ABCC1: variants seen among roughly 807,000 people sequenced by gnomAD.
ABCC1 encodes ATP binding cassette subfamily C member 1 (ABCC1 blood group), also known as multidrug resistance-associated protein 1.
In ABCC1, 83 loss-of-function variants were observed where a neutral mutation model predicts 172.9. That is an observed-to-expected ratio of 0.48 (90% CI 0.40 to 0.58). The LOEUF (loss-of-function observed/expected upper bound fraction) is 0.58. ABCC1 is among the 20% of genes least tolerant of loss of function. The pLI, the probability that ABCC1 is intolerant of heterozygous loss-of-function variation, is 0.00. For synonymous variants in ABCC1, 937 were observed against 825.2 expected (o/e 1.14, Z -2.32); for missense variants, 1,817 against 2,002.7 (o/e 0.91, Z 1.77).
At chr16:15,956,494 CTGT>C (rs1280152740) in intron 1 of ABCC1, among the ~76,000 whole-genome samples, 1 of 151,836 alleles carries the variant, frequency 6.6e-6, no homozygotes, top group African/African-American at 2.4e-5. Flanking sequence ...AACACTAATT[CTGT>C]TGTTGTTGGT....
chr16:16,127,742 C>T (rs948160830), intron 26 of ABCC1, among the ~76,000 whole-genome samples: 2 of 152,118 alleles, frequency 1.3e-5, no homozygotes, highest in African/African-American at 4.8e-5. Context: ...GAGGAATTCA[C>T]AGAGGTGACC....
At chr16:16,003,980 T>TTGGGTGGATGGATGCATTGGTGGG (rs929082212) in intron 1 of ABCC1, among the ~76,000 whole-genome samples, 2 of 137,850 alleles carry the variant, frequency 1.5e-5, no homozygotes, top group Non-Finnish European at 3.1e-5. Context: ...GAGTGGGTAG[T>TTGGGTGGATGGATGCATTGGTGGG]TGGGTGGATG....
chr16:15,953,482 C>A (rs1348097928), intron 1 of ABCC1, among the ~76,000 whole-genome samples: 2 of 152,198 alleles, frequency 1.3e-5, no homozygotes, highest in Non-Finnish European at 2.9e-5. Flanking sequence ...CTCTCCGTGC[C>A]TCAGTTTCCC....
intron 3 of ABCC1, among the ~76,000 whole-genome samples, chr16:16,013,952 T>C (rs1409714932): frequency 1.3e-5 from 2 of 152,106 alleles, no homozygotes; most frequent in East Asian, 1.9e-4. Context: ...CCCGGGAACG[T>C]TGAGCATCAG....
chr16:16,029,797 C>T (rs2048502159), intron 5 of ABCC1, among the ~76,000 whole-genome samples: 1 of 152,182 alleles, frequency 6.6e-6, no homozygotes, highest in Admixed American at 6.5e-5. Context: ...AGGAGGATCA[C>T]TTAAGCCCAG....
intron 16 of ABCC1, among the ~76,000 whole-genome samples, chr16:16,079,917 G>A (rs1596470838): frequency 6.6e-6 from 1 of 151,548 alleles, no homozygotes; most frequent in East Asian, 1.9e-4. Context: ...GGGTCCAAGC[G>A]ATTCTCCCTC....
chr16:15,997,155 A>G (rs2047086332), intron 1 of ABCC1, among the ~76,000 whole-genome samples: 1 of 148,664 alleles, frequency 6.7e-6, no homozygotes, highest in Non-Finnish European at 1.5e-5. Flanking sequence ...GCAGTGGTGC[A>G]ATCTCGGCTC....
At chr16:16,079,531 A>G (rs1373202017) in intron 16 of ABCC1, 53 bp downstream of exon 16, 1 of 1,568,938 alleles carries the variant, frequency 6.4e-7, no homozygotes, top group Non-Finnish European at 8.7e-7. Flanking sequence ...GGTCTGAGGA[A>G]AAGCTCAGAA....
intron 1 of ABCC1, among the ~76,000 whole-genome samples, chr16:15,970,320 C>G (rs564639808): frequency 3.3e-5 from 5 of 152,316 alleles, no homozygotes; most frequent in African/African-American, 4.8e-5. Flanking sequence ...AAGGGCACAA[C>G]CTGGAGGTTG....
At chr16:16,106,164 A>C (rs933705866) in intron 20 of ABCC1, among the ~76,000 whole-genome samples, 4 of 152,116 alleles carry the variant, frequency 2.6e-5, no homozygotes, top group Admixed American at 6.6e-5. Context: ...GGTGTGAGCC[A>C]CTGCACCTGG....
intron 19 of ABCC1, 23 bp from the exon 20 acceptor site, chr16:16,102,604 C>T (rs763645296): frequency 6.4e-7 from 1 of 1,559,332 alleles, no homozygotes; most frequent in South Asian, 1.2e-5. Context: ...CCCCACTTGC[C>T]CCCTTTGTCT....
chr16:15,981,015 G>A (rs967526203), intron 1 of ABCC1, among the ~76,000 whole-genome samples: 2 of 152,226 alleles, frequency 1.3e-5, no homozygotes, highest in African/African-American at 2.4e-5. Flanking sequence ...CTGAAATCCA[G>A]TGGGGCAGTC....
At chr16:15,955,418 C>T (rs1005064521) in intron 1 of ABCC1, among the ~76,000 whole-genome samples, 1 of 152,138 alleles carries the variant, frequency 6.6e-6, no homozygotes, top group Non-Finnish European at 1.5e-5. Flanking sequence ...CCCCTACAGT[C>T]TAGTCTTGGC....
At chr16:16,124,349 G>GTGTGT (rs1567432159) in intron 24 of ABCC1, among the ~76,000 whole-genome samples, 4 of 112,906 alleles carry the variant, frequency 3.5e-5, no homozygotes, top group East Asian at 2.6e-4. Context: ...GTGTGTGTGT[G>GTGTGT]ATTATAGGAG....
chr16:15,992,685 G>A (rs2046908834), intron 1 of ABCC1, among the ~76,000 whole-genome samples: 1 of 152,232 alleles, frequency 6.6e-6, no homozygotes, highest in Admixed American at 6.5e-5. Context: ...ACAGGCGTGA[G>A]CCACTGTGCC....
chr16:15,970,345 C>T (rs890196202), intron 1 of ABCC1, among the ~76,000 whole-genome samples: 8 of 152,184 alleles, frequency 5.3e-5, no homozygotes, highest in Non-Finnish European at 1.0e-4. Flanking sequence ...CGTCTCTCCT[C>T]GTCACATCCC....
chr16:15,984,622 C>T (rs1233571763), intron 1 of ABCC1, among the ~76,000 whole-genome samples: 1 of 151,798 alleles, frequency 6.6e-6, no homozygotes, highest in Non-Finnish European at 1.5e-5. Flanking sequence ...TTTTTGGTAT[C>T]TTTAGTAGAG....
intron 19 of ABCC1, among the ~76,000 whole-genome samples, chr16:16,093,579 C>A (rs547346350): frequency 3.3e-5 from 5 of 152,222 alleles, no homozygotes; most frequent in African/African-American, 9.6e-5. Context: ...CATAGAAGTC[C>A]TTGGCAGTGG....
At chr16:16,065,872 C>T (rs572197003) in intron 12 of ABCC1, among the ~76,000 whole-genome samples, 15 of 152,262 alleles carry the variant, frequency 9.9e-5, no homozygotes, top group African/African-American at 3.1e-4. Flanking sequence ...GCTACCATGC[C>T]GATCGAAATG....
Sources: allele counts gnomAD v4.1 joint callset (sites outside exome capture counted in the v4.1 genomes callset), GRCh38; gene constraint gnomAD v4.1.1; transcripts MANE v1.5; gene names NCBI Gene and HGNC (gene_info 2026-07-23, HGNC 2026-07-21).